MTFR1: variants seen among roughly 807,000 people sequenced by gnomAD.
MTFR1 encodes mitochondrial fission regulator 1.
Under a neutral mutation model 38.8 loss-of-function variants are expected in MTFR1, and 28 were observed. That is an observed-to-expected ratio of 0.72 (90% CI 0.53 to 0.99). MTFR1 has a LOEUF of 0.99. MTFR1 is among the 50% of genes least tolerant of loss of function. The probability of loss-of-function intolerance (pLI) is 0.00; values close to 1 mark genes in which losing one functional copy is unlikely to be tolerated. For synonymous variants in MTFR1, 145 were observed against 137.0 expected (o/e 1.06, Z -0.41); for missense variants, 358 against 395.5 (o/e 0.91, Z 0.81).
intron 1 of MTFR1, among the ~76,000 whole-genome samples, chr8:65,656,368 C>G (rs1355580678): frequency 6.6e-6 from 1 of 151,944 alleles, no homozygotes; most frequent in African/African-American, 2.4e-5. Flanking sequence ...GGGTCTTGCT[C>G]TGTTGTCCAG....
At chr8:65,749,820 T>C (rs1338711956) in intron 3 of MTFR1, among the ~76,000 whole-genome samples, 1 of 152,242 alleles carries the variant, frequency 6.6e-6, no homozygotes, top group African/African-American at 2.4e-5. Context: ...TTAAATTATA[T>C]TTCTACAGTA....
At position 65,744,785 on chromosome 8, in the gene MTFR1, C is replaced by T. The variant is rs12677890; in HGVS notation, c.*48+25304C>T. Among the ~76,000 whole-genome samples, 11 of 152,286 alleles carry T rather than the reference C, an allele frequency of 7.2e-5. No homozygotes were observed. In the East Asian group the frequency reaches 1.9e-3, roughly 27 times the overall value. On this transcript the variant is annotated intron_variant, in intron 3 of 3. Transcript: ENST00000521247. ...TAATAATAGCAGCGGCAATTGCCAA[C>T]CAATCTGCCAAGTCATGATGATGAT... is the stretch of plus-strand genomic sequence containing the variant.
chr8:65,649,634 T>G (rs1019303120), intron 1 of MTFR1, among the ~76,000 whole-genome samples: 1 of 152,242 alleles, frequency 6.6e-6, no homozygotes, highest in Non-Finnish European at 1.5e-5. Flanking sequence ...TTATCCTTTC[T>G]TTGTGTTACA....
chr8:65,714,980 T>C (rs1392977638), downstream of MTFR1, among the ~76,000 whole-genome samples: 7 of 152,186 alleles, frequency 4.6e-5, no homozygotes, highest in Admixed American at 3.3e-4. Context: ...AATTTTTCTT[T>C]TTTAAAGTTA....
downstream of MTFR1, among the ~76,000 whole-genome samples, chr8:65,771,884 C>CAAAAAAAAAA (rs36101490): frequency 9.0e-5 from 5 of 55,804 alleles, no homozygotes; most frequent in Non-Finnish European, 1.1e-4. Flanking sequence ...CTCCATCTCT[C>CAAAAAAAAAA]AAAAAAAAAA....
intron 3 of MTFR1, among the ~76,000 whole-genome samples, chr8:65,736,665 C>T (rs1011817670): frequency 1.7e-4 from 26 of 151,848 alleles, no homozygotes; most frequent in African/African-American, 6.0e-4. Context: ...GTGGGAGGAT[C>T]GCATGAGCCG....
At chr8:65,775,000 T>C (rs1448002714), downstream of MTFR1, among the ~76,000 whole-genome samples, 3 of 152,226 alleles carry the variant, frequency 2.0e-5, no homozygotes, top group Non-Finnish European at 4.4e-5. Context: ...GCTGGATTAA[T>C]TTATGTTTTC....
chr8:65,658,549 T>C (rs920244727), intron 1 of MTFR1, among the ~76,000 whole-genome samples: 3 of 152,180 alleles, frequency 2.0e-5, no homozygotes, highest in African/African-American at 7.2e-5. Context: ...GAGTAGATAG[T>C]CTAGAATATA....
At chr8:65,763,627 C>T (rs1808621206) in intron 3 of MTFR1, among the ~76,000 whole-genome samples, 1 of 152,130 alleles carries the variant, frequency 6.6e-6, no homozygotes, top group Non-Finnish European at 1.5e-5. Flanking sequence ...CTCTTCAGAG[C>T]TGGGATGTGG....
At chr8:65,733,493 A>G (rs1319321449) in intron 3 of MTFR1, among the ~76,000 whole-genome samples, 2 of 152,054 alleles carry the variant, frequency 1.3e-5, no homozygotes, top group Non-Finnish European at 1.5e-5. Flanking sequence ...ATAGAGTGAG[A>G]CCCTGTCTCT....
Position 65,706,581 on chromosome 8 carries a change from G to A in MTFR1, c.518-429G>A, listed in dbSNP as rs148878605. On this transcript the variant is annotated intron_variant, in intron 5 of 7. Coordinates refer to ENST00000262146, the MANE Select transcript of MTFR1 (RefSeq NM_014637.4). Reference sequence around the variant, plus strand: ...AGTGCAGGCTTTTAATGCTTAGTAAGTCTTATATGAAAATATACTTAAAAT... The same window carrying A: ...AGTGCAGGCTTTTAATGCTTAGTAAATCTTATATGAAAATATACTTAAAAT... Among the ~76,000 whole-genome samples the A allele has an allele frequency of 6.6e-5, 10 of 152,266 alleles. No homozygotes were observed. In the East Asian group the frequency reaches 1.9e-3, roughly 29 times the overall value.
At chr8:65,761,051 A>G (rs1808467412) in intron 3 of MTFR1, among the ~76,000 whole-genome samples, 1 of 151,896 alleles carries the variant, frequency 6.6e-6, no homozygotes, top group African/African-American at 2.4e-5. Flanking sequence ...CCTTCTTACC[A>G]ATATTGTTTT....
chr8:65,716,798 A>G (rs895352159), intron 2 of MTFR1, among the ~76,000 whole-genome samples: 5 of 145,502 alleles, frequency 3.4e-5, no homozygotes, highest in Non-Finnish European at 7.8e-5. Context: ...TAAGGATCTG[A>G]GTTATCAGAC....
At chr8:65,643,908 C>T (rs1010609781), upstream of MTFR1, among the ~76,000 whole-genome samples, 1 of 152,028 alleles carries the variant, frequency 6.6e-6, no homozygotes, top group Admixed American at 6.6e-5. Context: ...AGACTTGTGC[C>T]ACCCGGGGCA....
chr8:65,669,789 T>A (rs1804511587), intron 1 of MTFR1, 84 bp from the exon 2 acceptor site: 4 of 616,826 alleles, frequency 6.5e-6, no homozygotes, highest in Non-Finnish European at 5.6e-6. Flanking sequence ...AAAAATGTTT[T>A]AGGCTTGCTC....
intron 3 of MTFR1, among the ~76,000 whole-genome samples, chr8:65,757,071 T>C (rs1304179316): frequency 6.6e-6 from 1 of 152,164 alleles, no homozygotes; most frequent in Non-Finnish European, 1.5e-5. Flanking sequence ...AATGCGGTCC[T>C]CTTGGGTTTT....
chr8:65,655,983 A>ATG (rs1809258371), intron 1 of MTFR1, among the ~76,000 whole-genome samples: 3 of 108,316 alleles, frequency 2.8e-5, no homozygotes, highest in Non-Finnish European at 5.5e-5. Flanking sequence ...ATATATATAT[A>ATG]TGGTAGTGGG....
rs919957288 is a variant in MTFR1, at chr8:65,709,559, T to C, written c.*515T>C. On this transcript the variant is annotated 3_prime_UTR_variant, in exon 8 of 8. Transcript: ENST00000262146. ...AGTTGTTGGCATGAAATATTTGAGA[T>C]TGGAAACTTCTTGCCTTGAACAGAA... The C allele has an allele frequency of 6.5e-6, 1 of 152,890 alleles. No homozygotes were observed. Among genetic ancestry groups the C allele is most frequent in the Non-Finnish European group, 1.5e-5 (1 of 68,506 alleles). The allele number at this position is 152,890 out of a possible 1,614,324, so 9.5% of individuals were successfully genotyped here.
At chr8:65,711,954 C>A (rs1805958590), downstream of MTFR1, among the ~76,000 whole-genome samples, 1 of 152,164 alleles carries the variant, frequency 6.6e-6, no homozygotes, top group Non-Finnish European at 1.5e-5. Context: ...TCAAACAGTG[C>A]CTCCTGATCA....
Sources: allele counts gnomAD v4.1 joint callset (sites outside exome capture counted in the v4.1 genomes callset), GRCh38; gene constraint gnomAD v4.1.1; transcripts MANE v1.5; gene names NCBI Gene and HGNC (gene_info 2026-07-23, HGNC 2026-07-21).